The following TSTD2 variants were observed in gnomAD, a reference collection of about 807,000 sequenced individuals.
TSTD2 encodes the protein thiosulfate sulfurtransferase/rhodanese-like domain-containing protein 2.
TSTD2 carries 37 observed loss-of-function variants against 47.9 expected under a neutral mutation model. The ratio of observed to expected loss-of-function variants is 0.77; its 90% CI spans 0.59 to 1.02. The LOEUF is 1.02. Ranked by LOEUF, TSTD2 falls within the 50% of genes least tolerant of loss-of-function variation. TSTD2 has a pLI of 0.00. For missense variants in TSTD2, 586 were observed against 616.0 expected (o/e 0.95, Z 0.52); for synonymous variants, 201 against 215.9 (o/e 0.93, Z 0.61).
intron 6 of TSTD2, among the ~76,000 whole-genome samples, chr9:97,607,682 C>T (rs1385033407): frequency 6.6e-6 from 1 of 152,236 alleles, no homozygotes; most frequent in Non-Finnish European, 1.5e-5. Context: ...GCAGGCGGAT[C>T]ACCTGAGGTC....
intron 8 of TSTD2, 48 bp downstream of exon 8, chr9:97,605,435 C>G: frequency 6.2e-7 from 1 of 1,604,926 alleles, no homozygotes; most frequent in Non-Finnish European, 8.5e-7. Context: ...GCTGGTGGAG[C>G]TGCCTCCTTC....
chr9:97,609,534 T>C (rs2131308010), intron 6 of TSTD2, among the ~76,000 whole-genome samples: 1 of 152,310 alleles, frequency 6.6e-6, no homozygotes, highest in African/African-American at 2.4e-5. Context: ...TAAATCCTAA[T>C]AGAAATGAAG....
At chr9:97,604,688 C>G in intron 9 of TSTD2, 39 bp downstream of exon 9, 1 of 1,612,240 alleles carries the variant, frequency 6.2e-7, no homozygotes, top group Non-Finnish European at 8.5e-7. Flanking sequence ...TGACAATGTG[C>G]TTCATTTCAG....
Position 97,625,711 on chromosome 9 carries a change from ATAT to A in TSTD2, c.449_451del (p.Asp150_Ile151delinsVal), listed in dbSNP as rs746706054. 6.2e-7 allele frequency: 1 copy of A among 1,613,854 alleles called. No homozygotes were observed. Among genetic ancestry groups the A allele is most frequent in the Non-Finnish European group, 8.5e-7 (1 of 1,179,848 alleles). On this transcript the variant is annotated inframe_deletion, in exon 3 of 10. Coordinates refer to ENST00000341170, the MANE Select transcript of TSTD2 (RefSeq NM_139246.5). ...CAGCTCATCAGGGTTAAAGCAGCTT[ATAT>A]CAGGGAGCCAAGCAGACACGTCATG...
chr9:97,610,138 AAGAT>A (rs1826432728), intron 6 of TSTD2: 2 of 406,342 alleles, frequency 4.9e-6, no homozygotes, highest in Non-Finnish European at 9.0e-6. Context: ...CAAGAGGAAT[AAGAT>A]AGGTCACTCG....
chr9:97,607,617 C>T (rs1273052766), intron 6 of TSTD2, among the ~76,000 whole-genome samples: 3 of 152,144 alleles, frequency 2.0e-5, no homozygotes, highest in Non-Finnish European at 4.4e-5. Flanking sequence ...AAACATGGGA[C>T]GTAGGCCAGG....
chr9:97,611,076 G>C (rs963595153), intron 5 of TSTD2: 2 of 153,776 alleles, frequency 1.3e-5, no homozygotes, highest in African/African-American at 4.8e-5. Flanking sequence ...GTGACTCAGT[G>C]AAAGAATGGG....
chr9:97,603,616 C>T (rs1826310561), intron 9 of TSTD2, among the ~76,000 whole-genome samples: 1 of 152,174 alleles, frequency 6.6e-6, no homozygotes, highest in South Asian at 2.1e-4. Context: ...GTGCATGCCA[C>T]CTGGGTCCAC....
chr9:97,620,321 T>C (rs1277417539), intron 3 of TSTD2, among the ~76,000 whole-genome samples: 1 of 152,234 alleles, frequency 6.6e-6, no homozygotes, highest in Admixed American at 6.5e-5. Flanking sequence ...ACCATGATTG[T>C]GTGGCCTCCC....
chr9:97,628,464 T>A (rs1826757448), intron 1 of TSTD2, among the ~76,000 whole-genome samples: 1 of 152,188 alleles, frequency 6.6e-6, no homozygotes, highest in Non-Finnish European at 1.5e-5. Flanking sequence ...AGTATCTACA[T>A]TACAGTACTG....
chr9:97,613,441 T>C (rs141654054), intron 4 of TSTD2, among the ~76,000 whole-genome samples: 62 of 152,258 alleles, frequency 4.1e-4, no homozygotes, highest in African/African-American at 1.4e-3. Context: ...CTGGGGCTCT[T>C]TGGCATCTCA....
chr9:97,602,654 A>C lies in TSTD2; in HGVS notation c.1366T>G (p.Cys456Gly). 6.2e-7 allele frequency: 1 copy of C among 1,614,236 alleles called. No individual in the cohort carries two copies. The highest frequency in any genetic ancestry group is 8.5e-7 in the Non-Finnish European group (1 of 1,180,034). ...ACQGQGFTAC[C>G]VTCQDKGSRK... ...CTCCCCTTGTCTTGACATGTGACAC[A>C]ACAGGCTGTGAATCCTTGTCCTTGA... Residue 456 changes from cysteine (C) to glycine (G), a missense_variant, in exon 10 of 10, where the codon TGT (cysteine) becomes GGT (glycine). By Grantham distance (159) the Cys-to-Gly change is radical. Coordinates refer to ENST00000341170, the MANE Select transcript of TSTD2 (RefSeq NM_139246.5).
At chr9:97,616,376 G>C (rs1215524373) in intron 4 of TSTD2, among the ~76,000 whole-genome samples, 1 of 152,198 alleles carries the variant, frequency 6.6e-6, no homozygotes, top group Non-Finnish European at 1.5e-5. Flanking sequence ...GAAAGAGTTT[G>C]AGGAGGGAGT....
rs1484132535 is a variant in TSTD2 at position 97,601,261 on chromosome 9, CGTAT to C, written c.*1204_*1207del. 4.2e-6 allele frequency: 5 copies of C among 1,203,024 alleles called. No homozygotes were observed. The highest frequency in any genetic ancestry group is 4.3e-6 in the Non-Finnish European group (4 of 936,170). 74.5% of individuals were successfully genotyped at this position (1,203,024 alleles called of 1,614,324 possible). On this transcript the variant is annotated 3_prime_UTR_variant, in exon 10 of 10. Coordinates refer to ENST00000341170, the MANE Select transcript of TSTD2 (RefSeq NM_139246.5). The stretch of plus-strand genomic sequence containing the variant: ...AAATCTGTTGGTCTATGCATGGCTG[CGTAT>C]GTGTTTCTTGGAACCTGTGTGACAG...
intron 9 of TSTD2, 95 bp downstream of exon 9, chr9:97,604,632 G>A: frequency 4.5e-6 from 7 of 1,547,350 alleles, no homozygotes; most frequent in South Asian, 2.4e-5. Context: ...GCTCAGTAAT[G>A]AGCACTGGCC....
At chr9:97,632,235 C>T (rs1826834524) in intron 1 of TSTD2, among the ~76,000 whole-genome samples, 1 of 152,158 alleles carries the variant, frequency 6.6e-6, no homozygotes, top group East Asian at 1.9e-4. Flanking sequence ...AACCAGAGAC[C>T]TTCAGGTAAA....
rs549022844 is a variant in TSTD2 at position 97,603,588 on chromosome 9, C to T, written c.1253-821G>A. On this transcript the variant is annotated intron_variant, in intron 9 of 9. Coordinates refer to ENST00000341170, the MANE Select transcript of TSTD2 (RefSeq NM_139246.5). Reference sequence around the variant, plus strand: ...AAGAAAGTAGGAGAGGACAATCAAACGCAAATCTTACTCAAATGTGCATGC... The same window carrying T: ...AAGAAAGTAGGAGAGGACAATCAAATGCAAATCTTACTCAAATGTGCATGC... Among the ~76,000 whole-genome samples, 7 of 152,276 alleles carry T rather than the reference C, an allele frequency of 4.6e-5. No homozygotes were observed. The South Asian group carries it at 1.0e-3, about 23-fold the overall frequency.
intron 5 of TSTD2, 147 bp downstream of exon 5, chr9:97,611,427 A>T: frequency 1.0e-6 from 1 of 967,276 alleles, no homozygotes; most frequent in South Asian, 2.3e-5. Context: ...AAAACAAAAC[A>T]AAAAAACTCC....
At position 97,604,490 on chromosome 9, in the gene TSTD2, T is replaced by C. The variant is rs531548581; in HGVS notation, c.1252+237A>G. On this transcript the variant is annotated intron_variant, in intron 9 of 9. Transcript: ENST00000341170. ...GCAGGTGAGATGATCCCCATGTTAA[T>C]GGGCTTGTCCAGCTAGCAATGGTGA... The C allele has an allele frequency of 2.3e-5, 11 of 482,764 alleles. No homozygotes were observed. In the South Asian group the frequency reaches 2.3e-4, roughly 10 times the overall value. 29.9% of individuals were successfully genotyped at this position (482,764 alleles called of 1,614,324 possible). A position where few individuals can be genotyped will look rare whatever the true frequency, so the allele number is the denominator to read the frequency against.
Sources: gnomAD v4.1 joint callset for allele counts (sites outside exome capture counted in the v4.1 genomes callset) on GRCh38, gnomAD v4.1.1 for gene constraint, MANE v1.5 for transcripts, NCBI Gene and HGNC (gene_info 2026-07-23, HGNC 2026-07-21) for gene names.